The following PGM1 variants were observed in gnomAD, a reference collection of about 807,000 sequenced individuals.
The protein encoded by PGM1 is phosphoglucomutase-1.
PGM1 carries 52 observed loss-of-function variants against 55.6 expected under a neutral mutation model. That is an observed-to-expected ratio of 0.94 (90% CI 0.75 to 1.18). The LOEUF (loss-of-function observed/expected upper bound fraction) is 1.18, where lower values mean the gene tolerates loss of function less well. PGM1 is among the 50% of genes most tolerant of loss of function. The pLI is 0.00. For missense variants in PGM1, 724 were observed against 729.3 expected (o/e 0.99, Z 0.08); for synonymous variants, 287 against 271.7 (o/e 1.06, Z -0.55).
chr1:63,609,053 T>G (rs2100964433), intron 1 of PGM1, among the ~76,000 whole-genome samples: 1 of 152,326 alleles, frequency 6.6e-6, no homozygotes, highest in Admixed American at 6.5e-5. Flanking sequence ...AAGATGGGCC[T>G]AGGGAGGGTC....
chr1:63,636,949 T>G (rs1220765146), intron 6 of PGM1, among the ~76,000 whole-genome samples: 2 of 152,236 alleles, frequency 1.3e-5, no homozygotes, highest in Non-Finnish European at 2.9e-5. Flanking sequence ...CAGTGAATGT[T>G]TATATATCAC....
intron 8 of PGM1, among the ~76,000 whole-genome samples, chr1:63,651,075 T>TG (rs1435100292): frequency 6.7e-6 from 1 of 149,704 alleles, no homozygotes; most frequent in African/African-American, 2.5e-5. Context: ...CTAAAATTAA[T>TG]GAAAAAAAAA....
At chr1:63,602,135 A>G (rs1182662769) in intron 1 of PGM1, among the ~76,000 whole-genome samples, 1 of 152,202 alleles carries the variant, frequency 6.6e-6, no homozygotes, top group Non-Finnish European at 1.5e-5. Flanking sequence ...CCATAAATAA[A>G]TATATCCCAG....
intron 1 of PGM1, among the ~76,000 whole-genome samples, chr1:63,608,726 C>T (rs1648490924): frequency 6.6e-6 from 1 of 152,152 alleles, no homozygotes; most frequent in Admixed American, 6.5e-5. Context: ...AGACTGGCAC[C>T]TGTCATGAAA....
chr1:63,654,091 AGGTCAG>A (rs1649891328), intron 9 of PGM1, among the ~76,000 whole-genome samples: 1 of 152,156 alleles, frequency 6.6e-6, no homozygotes, highest in Admixed American at 6.5e-5. Flanking sequence ...AGCATCACTG[AGGTCAG>A]GTCTCCCCTG....
At chr1:63,658,707 G>A (rs1418944000) in intron 10 of PGM1, among the ~76,000 whole-genome samples, 4 of 149,870 alleles carry the variant, frequency 2.7e-5, no homozygotes, top group African/African-American at 7.4e-5. Context: ...AGCCAAGATC[G>A]CAGCATTGCA....
At chr1:63,614,801 A>G (rs1349113686) in intron 1 of PGM1, among the ~76,000 whole-genome samples, 1 of 152,244 alleles carries the variant, frequency 6.6e-6, no homozygotes, top group African/African-American at 2.4e-5. Flanking sequence ...TGAGAATAAT[A>G]AGCCCCTATA....
intron 4 of PGM1, among the ~76,000 whole-genome samples, chr1:63,633,862 GTC>G (rs1398369875): frequency 6.8e-5 from 7 of 102,358 alleles, no homozygotes; most frequent in Admixed American, 5.4e-4. Flanking sequence ...GTGTGTCTGT[GTC>G]TCTGTGTGTG....
chr1:63,659,692 T>C lies in PGM1; in HGVS notation c.*17T>C. ...ATCACCTAAGAAGACAGGCCTGATG[T>C]GGTACGTCCCTCCACCCCCGGACCC... On this transcript the variant is annotated 3_prime_UTR_variant, in exon 11 of 11. Transcript: ENST00000371084. 6.3e-7 allele frequency: 1 copy of C among 1,589,518 alleles called. No individual in the cohort carries two copies. Among genetic ancestry groups the C allele is most frequent in the South Asian group, 1.1e-5 (1 of 90,604 alleles).
chr1:63,596,562 C>A lies in PGM1; in HGVS notation c.246+2828C>A, dbSNP rs114722163. ...GTGAGCCACTGCGCCTGGCCTATTCCCTAGGTTTCTACGCTCAGGTTGTTC... is the reference window on the plus strand; with the variant it reads ...GTGAGCCACTGCGCCTGGCCTATTCACTAGGTTTCTACGCTCAGGTTGTTC... On this transcript the variant is annotated intron_variant, in intron 1 of 10. Coordinates refer to ENST00000371084, the MANE Select transcript of PGM1 (RefSeq NM_002633.3). Among the ~76,000 whole-genome samples the A allele has an allele frequency of 6.8e-3, 1,036 of 152,078 alleles. 11 individuals carry two copies. The highest frequency in any genetic ancestry group is 0.034 in the Admixed American group (514 of 15,272).
At chr1:63,615,964 T>TGC (rs1648701653) in intron 1 of PGM1, among the ~76,000 whole-genome samples, 1 of 152,122 alleles carries the variant, frequency 6.6e-6, no homozygotes, top group Non-Finnish European at 1.5e-5. Context: ...AGTGAAGCAC[T>TGC]GCCCCTTACG....
intron 10 of PGM1, among the ~76,000 whole-genome samples, chr1:63,656,421 A>G (rs548895527): frequency 6.6e-6 from 1 of 152,372 alleles, no homozygotes; most frequent in Non-Finnish European, 1.5e-5. Context: ...TATACGATCC[A>G]GTAATCCCTC....
chr1:63,649,567 G>C (rs1649751350), intron 8 of PGM1, among the ~76,000 whole-genome samples: 1 of 152,162 alleles, frequency 6.6e-6, no homozygotes, highest in Non-Finnish European at 1.5e-5. Context: ...CTATAAAATG[G>C]GTGAGTTAGA....
At chr1:63,607,300 C>A (rs1376488771) in intron 1 of PGM1, among the ~76,000 whole-genome samples, 2 of 152,132 alleles carry the variant, frequency 1.3e-5, no homozygotes, top group Non-Finnish European at 2.9e-5. Context: ...GTGTCAGGAG[C>A]AGTGGAATTA....
At chr1:63,617,045 A>G (rs1388548865) in intron 1 of PGM1, among the ~76,000 whole-genome samples, 1 of 152,208 alleles carries the variant, frequency 6.6e-6, no homozygotes, top group Non-Finnish European at 1.5e-5. Flanking sequence ...TAATACAACA[A>G]ATCTATGCAG....
At position 63,629,437 on chromosome 1, in the gene PGM1, G is replaced by A. The variant is rs1649129027; in HGVS notation, c.259G>A (p.Val87Ile). ...TTTCTTCTCCTAGATCGGTCGCTTGGTTATCGGACAGAATGGAATCCTCTC... is the reference window on the plus strand; with the variant it reads ...TTTCTTCTCCTAGATCGGTCGCTTGATTATCGGACAGAATGGAATCCTCTC... ...IAAANGIGRLVIGQNGILSTP... is the reference protein window; with the variant it reads ...IAAANGIGRLIIGQNGILSTP... The change falls in exon 2 of 11, where the codon GTT becomes ATT. Residue 87 changes from valine (V) to isoleucine (I), a missense_variant. Physicochemically the swap from Val to Ile is conservative, Grantham distance 29 (BLOSUM62 3). Around this residue, in one of 3 missense-constraint regions of PGM1, gnomAD observed 379 missense variants for 357.5 expected, o/e 1.06. Coordinates refer to ENST00000371084, the MANE Select transcript of PGM1 (RefSeq NM_002633.3). 1 of 1,613,330 alleles carries A rather than the reference G, an allele frequency of 6.2e-7. No individual in the cohort carries two copies. The highest frequency in any genetic ancestry group is 1.7e-5 in the Admixed American group (1 of 59,972).
At chr1:63,610,513 A>G (rs1648537159) in intron 1 of PGM1, among the ~76,000 whole-genome samples, 1 of 152,196 alleles carries the variant, frequency 6.6e-6, no homozygotes, top group African/African-American at 2.4e-5. Context: ...TGGACATGGT[A>G]GTTATTAGCT....
chr1:63,619,134 T>C (rs1054029134), intron 1 of PGM1, among the ~76,000 whole-genome samples: 1 of 152,158 alleles, frequency 6.6e-6, no homozygotes, highest in Non-Finnish European at 1.5e-5. Flanking sequence ...TGAGTCCCAA[T>C]TCTAGATTCC....
chr1:63,593,609 C>G lies in PGM1; in HGVS notation c.121C>G (p.Gln41Glu), dbSNP rs771170284. The G allele has an allele frequency of 1.9e-6, 3 of 1,613,354 alleles. No homozygotes were observed. The highest frequency in any genetic ancestry group is 2.5e-6 in the Non-Finnish European group (3 of 1,179,810). The change falls in exon 1 of 11, where the codon CAG becomes GAG. Residue 41 changes from glutamine (Q) to glutamate (E), a missense_variant. By Grantham distance (29) the Gln-to-Glu change is conservative. This residue lies in a region of PGM1 where 379 missense variants were observed against 357.5 expected (regional missense o/e 1.06). Transcript: ENST00000371084. ...CGCCAACTACGCGGAGAACTTCATC[C>G]AGAGTATCATCTCCACCGTGGAGCC... The part of the protein sequence containing the change: ...SSANYAENFI[Q>E]SIISTVEPAQ...
Sources: allele counts gnomAD v4.1 joint callset (sites outside exome capture counted in the v4.1 genomes callset), GRCh38; gene constraint gnomAD v4.1.1; regional missense constraint gnomAD v4.1.1; transcripts MANE v1.5; gene names NCBI Gene and HGNC (gene_info 2026-07-23, HGNC 2026-07-21).